POPDC1: variants seen among roughly 807,000 people sequenced by gnomAD.
The protein encoded by POPDC1 is popeye domain-containing protein 1.
chr6:105,122,478 C>T, the POPDC1 span, among the ~76,000 whole-genome samples: 4 of 152,132 alleles, frequency 2.6e-5, no homozygotes, highest in African/African-American at 9.7e-5. Flanking sequence ...ATTATAAATA[C>T]AATCTGAAGT....
At chr6:105,129,810 T>C in the POPDC1 span, among the ~76,000 whole-genome samples, 13 of 152,202 alleles carry the variant, frequency 8.5e-5, no homozygotes, top group Non-Finnish European at 1.9e-4. Context: ...CAAGATTTCA[T>C]CGCACTATTC....
chr6:105,134,066 C>A, the POPDC1 span, among the ~76,000 whole-genome samples: 8 of 152,060 alleles, frequency 5.3e-5, 1 homozygote, highest in South Asian at 1.7e-3. Flanking sequence ...AATATGAATA[C>A]CCTCACATCT....
chr6:105,131,033 T>C, the POPDC1 span, among the ~76,000 whole-genome samples: 6 of 152,198 alleles, frequency 3.9e-5, no homozygotes, highest in Non-Finnish European at 8.8e-5. Flanking sequence ...TCTTACCTTA[T>C]ATAAAATATC....
At chr6:105,114,969 G>A in the POPDC1 span, among the ~76,000 whole-genome samples, 1 of 152,160 alleles carries the variant, frequency 6.6e-6, no homozygotes, top group Non-Finnish European at 1.5e-5. Flanking sequence ...AACATTTCTG[G>A]GTCTAGGCTT....
At chr6:105,112,103 C>T in the POPDC1 span, among the ~76,000 whole-genome samples, 1 of 152,152 alleles carries the variant, frequency 6.6e-6, no homozygotes, top group African/African-American at 2.4e-5. Context: ...CTGGTTAGAC[C>T]TGTGGACTCC....
At chr6:105,107,020 G>A in the POPDC1 span, among the ~76,000 whole-genome samples, 1 of 151,940 alleles carries the variant, frequency 6.6e-6, no homozygotes, top group Admixed American at 6.6e-5. Context: ...ATCCTGTTGT[G>A]CTAGCAAATA....
the POPDC1 span, among the ~76,000 whole-genome samples, chr6:105,118,023 C>T: frequency 1.3e-5 from 2 of 152,150 alleles, no homozygotes; most frequent in African/African-American, 2.4e-5. Flanking sequence ...CTCGATCATA[C>T]AGTGGCAGCA....
chr6:105,102,151 G>A, the POPDC1 span, among the ~76,000 whole-genome samples: 2 of 152,150 alleles, frequency 1.3e-5, no homozygotes, highest in African/African-American at 2.4e-5. Context: ...GTGGCATTCC[G>A]GCAGCCCACA....
At chr6:105,133,719 C>A in the POPDC1 span, 6 of 623,946 alleles carry the variant, frequency 9.6e-6, no homozygotes, top group South Asian at 1.4e-4. Flanking sequence ...TTAGACAGAC[C>A]CAGATTCAAA....
the POPDC1 span, among the ~76,000 whole-genome samples, chr6:105,128,272 G>C: frequency 6.6e-6 from 1 of 152,174 alleles, no homozygotes; most frequent in Non-Finnish European, 1.5e-5. Flanking sequence ...CATGTCACTT[G>C]TTTTTGCCAA....
At chr6:105,131,446 T>C in the POPDC1 span, among the ~76,000 whole-genome samples, 3 of 152,156 alleles carry the variant, frequency 2.0e-5, no homozygotes, top group Non-Finnish European at 2.9e-5. Flanking sequence ...AAATTTTTTT[T>C]TCTTTTTTGA....
At chr6:105,126,976 T>A in the POPDC1 span, among the ~76,000 whole-genome samples, 1 of 152,218 alleles carries the variant, frequency 6.6e-6, no homozygotes, top group Admixed American at 6.5e-5. Context: ...TAATCATTTC[T>A]GTTGTCAGAT....
At chr6:105,135,528 C>G in the POPDC1 span, among the ~76,000 whole-genome samples, 3 of 152,126 alleles carry the variant, frequency 2.0e-5, no homozygotes, top group Admixed American at 2.0e-4. Context: ...CCTGTATTGC[C>G]TATTAATCCA....
chr6:105,124,640 A>G, the POPDC1 span: 2 of 1,603,768 alleles, frequency 1.2e-6, no homozygotes, highest in Admixed American at 1.7e-5. Flanking sequence ...AATGTCCTCG[A>G]TAGGAGACCT....
chr6:105,113,305 G>C, the POPDC1 span, among the ~76,000 whole-genome samples: 1 of 152,182 alleles, frequency 6.6e-6, no homozygotes, highest in Admixed American at 6.5e-5. Flanking sequence ...AGAGGGGCAA[G>C]TGAATAAGCA....
At chr6:105,134,146 A>G in the POPDC1 span, among the ~76,000 whole-genome samples, 7 of 152,150 alleles carry the variant, frequency 4.6e-5, no homozygotes, top group Non-Finnish European at 1.5e-5. Flanking sequence ...TCATACATAC[A>G]TAATACATTA....
chr6:105,101,736 G>A, the POPDC1 span, among the ~76,000 whole-genome samples: 2 of 152,152 alleles, frequency 1.3e-5, no homozygotes, highest in South Asian at 2.1e-4. Context: ...AGGGGAAGAG[G>A]AAGAAAGGCC....
chr6:105,124,742 AT>A, the POPDC1 span: 1 of 969,174 alleles, frequency 1.0e-6, no homozygotes, highest in Non-Finnish European at 1.6e-6. Flanking sequence ...ATGCGATTTT[AT>A]TTTGTAGTAC....
chr6:105,121,076 C>A, the POPDC1 span, among the ~76,000 whole-genome samples: 1 of 152,062 alleles, frequency 6.6e-6, no homozygotes, highest in Admixed American at 6.5e-5. Context: ...CATATGCCTG[C>A]AAGACATCCC....
Sources: allele counts gnomAD v4.1 joint callset (sites outside exome capture counted in the v4.1 genomes callset), GRCh38; gene constraint gnomAD v4.1.1; transcripts MANE v1.5; gene names NCBI Gene and HGNC (gene_info 2026-07-23, HGNC 2026-07-21).